CTNNA2: variants seen among roughly 807,000 people sequenced by gnomAD.
CTNNA2 encodes the protein catenin alpha-2.
In CTNNA2, 42 loss-of-function variants were observed where a neutral mutation model predicts 101.0. That is an observed-to-expected ratio of 0.42 (90% CI 0.32 to 0.54). The LOEUF (loss-of-function observed/expected upper bound fraction) is 0.54. CTNNA2 is among the 20% of genes least tolerant of loss of function. The probability of loss-of-function intolerance (pLI) is 0.14; values close to 1 mark genes in which losing one functional copy is unlikely to be tolerated. For missense variants in CTNNA2, 871 were observed against 1,223.1 expected, an observed-to-expected ratio of 0.71 and a Z score of 4.29; for synonymous variants, 450 against 456.4, an observed-to-expected ratio of 0.99 and a Z score of 0.18.
chr2:79,859,190 G>A (rs1574151004), intron 4 of CTNNA2, among the ~76,000 whole-genome samples: 2 of 151,942 alleles, frequency 1.3e-5, no homozygotes, highest in South Asian at 4.2e-4. Flanking sequence ...GGTTACCCCT[G>A]CTGTCCTGGG....
At chr2:80,552,981 C>T (rs570684707) in intron 11 of CTNNA2, among the ~76,000 whole-genome samples, 4 of 151,566 alleles carry the variant, frequency 2.6e-5, no homozygotes, top group Non-Finnish European at 5.9e-5. Context: ...CTTTGGGAGG[C>T]CAAGGCAGGC....
intron 7 of CTNNA2, among the ~76,000 whole-genome samples, chr2:80,315,902 C>T (rs1678072579): frequency 6.6e-6 from 1 of 152,172 alleles, no homozygotes; most frequent in African/African-American, 2.4e-5. Flanking sequence ...GTGCAGGTAT[C>T]ACCTATGGCT....
chr2:79,703,609 T>C (rs957088747), intron 2 of CTNNA2, among the ~76,000 whole-genome samples: 3 of 152,254 alleles, frequency 2.0e-5, no homozygotes, highest in Middle Eastern at 6.4e-3. Flanking sequence ...GGTACATCTG[T>C]CAATCCTGCT....
chr2:80,343,410 A>T (rs983114644), intron 7 of CTNNA2, among the ~76,000 whole-genome samples: 9 of 69,302 alleles, frequency 1.3e-4, no homozygotes, highest in African/African-American at 1.1e-3. Context: ...CTTTTGATAA[A>T]AAAAAAAAAA....
At chr2:80,054,331 T>C (rs904143765) in intron 7 of CTNNA2, among the ~76,000 whole-genome samples, 1 of 152,174 alleles carries the variant, frequency 6.6e-6, no homozygotes, top group African/African-American at 2.4e-5. Context: ...AGGTCAAAAC[T>C]ATGTAGGAGT....
chr2:79,845,815 C>G (rs999239778), intron 3 of CTNNA2, among the ~76,000 whole-genome samples: 1 of 152,142 alleles, frequency 6.6e-6, no homozygotes, highest in African/African-American at 2.4e-5. Context: ...TTTTTATTAG[C>G]TGTGTTTTAT....
At chr2:79,421,067 G>C (rs986011222) in intron 4 of CTNNA2, among the ~76,000 whole-genome samples, 2 of 152,140 alleles carry the variant, frequency 1.3e-5, no homozygotes, top group African/African-American at 4.8e-5. Context: ...CCCATTTAAG[G>C]CTATGCCATC....
chr2:79,699,832 C>T (rs3040901), intron 2 of CTNNA2, among the ~76,000 whole-genome samples: 22,517 of 136,144 alleles, frequency 0.17, 1,947 homozygotes, highest in South Asian at 0.18. Context: ...CACACACACA[C>T]GTGTGTGTAT....
intron 7 of CTNNA2, among the ~76,000 whole-genome samples, chr2:79,930,352 GAAAGA>G: frequency 1.3e-5 from 1 of 74,972 alleles, no homozygotes; most frequent in East Asian, 4.4e-4. Context: ...AAGAAAGAAA[GAAAGA>G]ATGAACACGG....
intron 7 of CTNNA2, among the ~76,000 whole-genome samples, chr2:79,986,367 T>C (rs1691763207): frequency 6.6e-6 from 1 of 152,180 alleles, no homozygotes; most frequent in Non-Finnish European, 1.5e-5. Flanking sequence ...CTGCAAACTC[T>C]TGGCCCTACC....
intron 2 of CTNNA2, among the ~76,000 whole-genome samples, chr2:79,199,248 T>C (rs776813972): frequency 6.6e-6 from 1 of 152,200 alleles, no homozygotes; most frequent in Non-Finnish European, 1.5e-5. Flanking sequence ...GTGCTCTGTG[T>C]TCTTTCCTGC....
intron 3 of CTNNA2, among the ~76,000 whole-genome samples, chr2:79,829,131 T>A (rs1399059451): frequency 6.6e-6 from 1 of 152,186 alleles, no homozygotes; most frequent in Non-Finnish European, 1.5e-5. Flanking sequence ...GAACATGTTA[T>A]CCTTAGTTCA....
intron 2 of CTNNA2, among the ~76,000 whole-genome samples, chr2:79,721,734 T>C (rs1295567371): frequency 1.3e-5 from 2 of 152,210 alleles, no homozygotes; most frequent in African/African-American, 4.8e-5. Context: ...TAGCAGCTCT[T>C]CTACTGAATA....
chr2:79,643,470 CAG>C (rs1680594054), intron 1 of CTNNA2, among the ~76,000 whole-genome samples: 1 of 152,152 alleles, frequency 6.6e-6, no homozygotes, highest in Non-Finnish European at 1.5e-5. Flanking sequence ...CCTAATCAAT[CAG>C]AAACTCTTGG....
intron 16 of CTNNA2, 98 bp downstream of exon 16, chr2:80,604,277 A>ATTCATTCTTC: frequency 1.1e-6 from 1 of 873,912 alleles, no homozygotes. Flanking sequence ...AATGCCTCTG[A>ATTCATTCTTC]AGAATGAATC....
At chr2:80,359,116 T>C (rs769668446) in intron 7 of CTNNA2, among the ~76,000 whole-genome samples, 8 of 152,218 alleles carry the variant, frequency 5.3e-5, no homozygotes, top group Admixed American at 6.5e-5. Context: ...GGCTCACACC[T>C]GTAATCACCA....
chr2:79,434,912 T>C (rs923114076), intron 4 of CTNNA2, among the ~76,000 whole-genome samples: 4 of 152,298 alleles, frequency 2.6e-5, no homozygotes, highest in Admixed American at 2.6e-4. Context: ...TTTGTTTCTG[T>C]AGGTTTTCCA....
chr2:80,316,985 CTT>C (rs1678192268), intron 7 of CTNNA2, among the ~76,000 whole-genome samples: 1 of 152,074 alleles, frequency 6.6e-6, no homozygotes, highest in Admixed American at 6.5e-5. Context: ...GTAGGCAAGG[CTT>C]CCTTGAGGTG....
intron 1 of CTNNA2, among the ~76,000 whole-genome samples, chr2:79,630,275 C>T (rs1301291207): frequency 1.3e-5 from 2 of 152,198 alleles, no homozygotes; most frequent in Non-Finnish European, 2.9e-5. Context: ...CACAGATTTC[C>T]TAACTATGAG....
Sources: allele counts gnomAD v4.1 joint callset (sites outside exome capture counted in the v4.1 genomes callset), GRCh38; gene constraint gnomAD v4.1.1; transcripts MANE v1.5; gene names NCBI Gene and HGNC (gene_info 2026-07-23, HGNC 2026-07-21).